ZSCAN4: variants seen among roughly 807,000 people sequenced by gnomAD.
The protein encoded by ZSCAN4 is zinc finger and SCAN domain-containing protein 4.
ZSCAN4 carries 18 observed loss-of-function variants against 18.3 expected under a neutral mutation model. The observed-to-expected ratio is 0.98, with a 90% CI of 0.68 to 1.46. The LOEUF (loss-of-function observed/expected upper bound fraction) is 1.46. Ranked by LOEUF, ZSCAN4 falls within the 40% of genes most tolerant of loss-of-function variation. The pLI, the probability that ZSCAN4 is intolerant of heterozygous loss-of-function variation, is 0.00. For synonymous variants in ZSCAN4, 193 were observed against 180.3 expected (o/e 1.07, Z -0.57); for missense variants, 498 against 511.4 (o/e 0.97, Z 0.25).
At chr19:57,653,060 C>A in the ZSCAN4 span, among the ~76,000 whole-genome samples, 2 of 152,178 alleles carry the variant, frequency 1.3e-5, no homozygotes, top group Non-Finnish European at 2.9e-5. Context: ...TATCAGCCAA[C>A]TTCCCCAGAC....
chr19:57,676,156 ATCTAAGAACCATATT>A (rs2122306137), exon 3 of ZSCAN4: 1 of 1,608,958 alleles, frequency 6.2e-7, no homozygotes, highest in Non-Finnish European at 8.5e-7. Flanking sequence ...ATGGCTTTAG[ATCTAAGAACCATATT>A]TCAGTGTGAA....
At chr19:57,652,362 A>T in the ZSCAN4 span, among the ~76,000 whole-genome samples, 9 of 152,318 alleles carry the variant, frequency 5.9e-5, no homozygotes, top group African/African-American at 2.2e-4. Context: ...CTCCAATGCA[A>T]TGGTAAATCG....
chr19:57,667,394 C>T (rs945123863), upstream of ZSCAN4, among the ~76,000 whole-genome samples: 1 of 152,166 alleles, frequency 6.6e-6, no homozygotes, highest in African/African-American at 2.4e-5. Flanking sequence ...GTATCAAATC[C>T]TAGCCCAGCC....
At chr19:57,665,642 G>A (rs1983831956), upstream of ZSCAN4, among the ~76,000 whole-genome samples, 2 of 152,044 alleles carry the variant, frequency 1.3e-5, no homozygotes, top group Non-Finnish European at 2.9e-5. Context: ...ATCCAAGGCC[G>A]GGCGCGGTGG....
the ZSCAN4 span, among the ~76,000 whole-genome samples, chr19:57,663,416 T>C: frequency 6.9e-6 from 1 of 144,282 alleles, no homozygotes; most frequent in Non-Finnish European, 1.5e-5. Context: ...TGGGGGCGAG[T>C]GGCTCACGCC....
chr19:57,653,659 G>T, the ZSCAN4 span, among the ~76,000 whole-genome samples: 3 of 152,188 alleles, frequency 2.0e-5, no homozygotes, highest in Admixed American at 2.0e-4. Flanking sequence ...AAGTTCAAAA[G>T]GTACTAGGCT....
chr19:57,678,046 A>G, exon 4 of ZSCAN4: 1 of 1,588,788 alleles, frequency 6.3e-7, no homozygotes, highest in Non-Finnish European at 8.5e-7. Context: ...ACCCTCCCAG[A>G]CTTCCCAAGA....
Position 57,676,569 on chromosome 19 carries a change from T to C in ZSCAN4, c.396+28T>C, listed in dbSNP as rs536891987. ...GAGTACAGGGTTCTAACTTCTGGGA[T>C]GAGAGACAAAGGAAAGTAAGGAATA... On this transcript the variant is annotated intron_variant, in intron 3 of 4. Coordinates refer to ENST00000318203, the Ensembl canonical transcript of ZSCAN4. 8 of 1,565,428 alleles carry C rather than the reference T, an allele frequency of 5.1e-6. No individual in the cohort carries two copies. In the Admixed American group the frequency reaches 1.4e-4, roughly 27 times the overall value.
intron 3 of ZSCAN4, 43 bp downstream of exon 3, chr19:57,676,584 A>G: frequency 1.3e-6 from 2 of 1,549,362 alleles, no homozygotes; most frequent in Non-Finnish European, 1.7e-6. Context: ...GACAAAGGAA[A>G]GTAAGGAATA....
chr19:57,674,882 G>T (rs1984128996), intron 2 of ZSCAN4, among the ~76,000 whole-genome samples: 1 of 151,734 alleles, frequency 6.6e-6, no homozygotes, highest in South Asian at 2.1e-4. Flanking sequence ...GTTTCATAGA[G>T]ATGATAGCTC....
chr19:57,667,894 T>TTTTG (rs1555807311), upstream of ZSCAN4, among the ~76,000 whole-genome samples: 5 of 37,834 alleles, frequency 1.3e-4, no homozygotes, highest in Non-Finnish European at 2.2e-4. Context: ...TTTGTTTGTT[T>TTTTG]TTTGTTTGTT....
the ZSCAN4 span, among the ~76,000 whole-genome samples, chr19:57,662,717 C>T: frequency 4.6e-5 from 7 of 152,024 alleles, no homozygotes; most frequent in South Asian, 1.3e-3. Flanking sequence ...TGAGCCACCA[C>T]GCCCAGCTAA....
rs71188041 is a variant in ZSCAN4, at chr19:57,672,604, C to CT, written c.-106+2053dup. ...CATATTCATCACCTCACATAGTTAT[C>CT]TTTTTTTTTTTTTTTTGAGACAGAA... On this transcript the variant is annotated intron_variant, in intron 2 of 4. Transcript: ENST00000318203. 9.6e-3 allele frequency among the ~76,000 whole-genome samples: 1,320 copies of CT among 137,264 alleles called. 17 individuals are homozygous for CT. The highest frequency in any genetic ancestry group is 0.028 in the African/African-American group (1,029 of 37,320). 90.1% of individuals were successfully genotyped at this position (137,264 alleles called of 152,430 possible).
chr19:57,672,480 T>G (rs892374317), intron 2 of ZSCAN4, among the ~76,000 whole-genome samples: 1 of 152,208 alleles, frequency 6.6e-6, no homozygotes, highest in Non-Finnish European at 1.5e-5. Context: ...TGAGGTATAA[T>G]TGACAAAGAT....
At chr19:57,662,148 G>C in the ZSCAN4 span, among the ~76,000 whole-genome samples, 1 of 150,846 alleles carries the variant, frequency 6.6e-6, no homozygotes, top group Non-Finnish European at 1.5e-5. Flanking sequence ...TTTAATTATA[G>C]TTTATGATAG....
exon 5 of ZSCAN4, chr19:57,678,769 T>C: frequency 6.2e-7 from 1 of 1,614,066 alleles, no homozygotes; most frequent in Non-Finnish European, 8.5e-7. Context: ...CATGAGAGAA[T>C]CCACACAGGA....
At chr19:57,661,611 AG>A in the ZSCAN4 span, among the ~76,000 whole-genome samples, 8 of 152,232 alleles carry the variant, frequency 5.3e-5, no homozygotes, top group African/African-American at 1.7e-4. Context: ...AATCACAAAA[AG>A]GAAAACTTTT....
chr19:57,672,563 C>T (rs114078702), intron 2 of ZSCAN4, among the ~76,000 whole-genome samples: 3,308 of 151,530 alleles, frequency 0.022, 133 homozygotes, highest in African/African-American at 0.076. Context: ...ATGATTACCA[C>T]GATCAAGCTA....
chr19:57,658,027 G>A, the ZSCAN4 span, among the ~76,000 whole-genome samples: 3 of 152,092 alleles, frequency 2.0e-5, no homozygotes, highest in Admixed American at 6.6e-5. Context: ...CAGAACCCAT[G>A]GATATAGAAA....
Sources: gnomAD v4.1 joint callset for allele counts (sites outside exome capture counted in the v4.1 genomes callset) on GRCh38, gnomAD v4.1.1 for gene constraint, MANE v1.5 for transcripts, NCBI Gene and HGNC (gene_info 2026-07-23, HGNC 2026-07-21) for gene names.